BIRC3: variants seen among roughly 807,000 people sequenced by gnomAD.
BIRC3 encodes baculoviral IAP repeat containing 3, also known as baculoviral IAP repeat-containing protein 3.
In BIRC3, 26 loss-of-function variants were observed where a neutral mutation model predicts 59.0. That is an observed-to-expected ratio of 0.44 (90% CI 0.32 to 0.61). BIRC3 has a LOEUF of 0.61. Among genes scored for constraint, BIRC3 ranks in the 20% least tolerant of loss-of-function variants. BIRC3 has a pLI of 0.04. For synonymous variants in BIRC3, 243 were observed against 249.2 expected, an observed-to-expected ratio of 0.98 and a Z score of 0.24; for missense variants, 641 against 711.5, an observed-to-expected ratio of 0.90 and a Z score of 1.13.
chr11:102,319,683 T>C (rs565072190), intron 1 of BIRC3, among the ~76,000 whole-genome samples: 8 of 151,932 alleles, frequency 5.3e-5, no homozygotes, highest in Middle Eastern at 6.8e-3. Flanking sequence ...TTGAGGAAGG[T>C]GTTGAAGGTT....
chr11:102,322,871 T>C lies in BIRC3; in HGVS notation c.-1639T>C, dbSNP rs1397891513. 1 of 202,944 alleles carries C rather than the reference T, an allele frequency of 4.9e-6. No individual in the cohort carries two copies. The highest frequency in any genetic ancestry group is 2.3e-5 in the African/African-American group (1 of 43,426). 12.6% of individuals were successfully genotyped at this position (202,944 alleles called of 1,614,324 possible). A position where few individuals can be genotyped will look rare whatever the true frequency, so the allele number is the denominator to read the frequency against. On this transcript the variant is annotated 5_prime_UTR_variant, in exon 2 of 9. Coordinates refer to ENST00000263464, the MANE Select transcript of BIRC3 (RefSeq NM_001165.5). ...TCAGAACCTCTTTACTAATGGCTAG[T>C]AAATCATAATTGAGAAATTCTGAAT... is the stretch of plus-strand genomic sequence containing the variant.
At chr11:102,332,141 C>T (rs899605385) in intron 6 of BIRC3, among the ~76,000 whole-genome samples, 1 of 152,176 alleles carries the variant, frequency 6.6e-6, no homozygotes, top group Non-Finnish European at 1.5e-5. Context: ...CCATACTAAA[C>T]GTATCCACTA....
intron 6 of BIRC3, among the ~76,000 whole-genome samples, chr11:102,335,292 T>G (rs1951183992): frequency 6.6e-6 from 1 of 152,212 alleles, no homozygotes; most frequent in African/African-American, 2.4e-5. Flanking sequence ...AATGACACTT[T>G]AAGAAAAAAT....
At chr11:102,320,257 TTC>T (rs919668060) in intron 1 of BIRC3, 3 of 151,856 alleles carry the variant, frequency 2.0e-5, no homozygotes, top group Non-Finnish European at 4.4e-5. Flanking sequence ...GTGTCTCTCT[TTC>T]TCTCTCTCTC....
At chr11:102,318,693 T>A (rs1244426055) in intron 1 of BIRC3, among the ~76,000 whole-genome samples, 2 of 152,074 alleles carry the variant, frequency 1.3e-5, no homozygotes. Flanking sequence ...CTTGGTAGGT[T>A]AAATGAATGA....
Position 102,331,070 on chromosome 11 carries a change from G to A in BIRC3, c.1153G>A (p.Ala385Thr), listed in dbSNP as rs750500487. ...GATGAATACTCCTGTGATTAATGCT[G>A]CCGTGGAAATGGGCTTTAGTAGAAG... ...IMMNTPVINA[A>T]VEMGFSRSLV... The change falls in exon 6 of 9, where the codon GCC (alanine) becomes ACC (threonine). Residue 385 changes from alanine (A) to threonine (T), a missense_variant. Physicochemically the swap from Ala to Thr is moderately conservative, Grantham distance 58. Coordinates refer to ENST00000263464, the MANE Select transcript of BIRC3 (RefSeq NM_001165.5). 3.1e-6 allele frequency: 5 copies of A among 1,613,834 alleles called. No individual in the cohort carries two copies. Among genetic ancestry groups the A allele is most frequent in the East Asian group, 2.2e-5 (1 of 44,808 alleles).
chr11:102,329,481 T>G (rs1951117190), intron 5 of BIRC3, among the ~76,000 whole-genome samples: 1 of 152,186 alleles, frequency 6.6e-6, no homozygotes. Context: ...ATATATTTAT[T>G]GTATATTGTA....
rs1374093825 is a variant in BIRC3, at chr11:102,337,312, A to T, written c.*210A>T. The stretch of plus-strand genomic sequence containing the variant: ...GAATGATAGGCTTTTGTTCTTATGA[A>T]CGAAAAAGAGGTAGCACTACAAACA... On this transcript the variant is annotated 3_prime_UTR_variant, in exon 9 of 9. Coordinates refer to ENST00000263464, the MANE Select transcript of BIRC3 (RefSeq NM_001165.5). 2 of 411,572 alleles carry T rather than the reference A, an allele frequency of 4.9e-6. No homozygotes were observed. Among genetic ancestry groups the T allele is most frequent in the Non-Finnish European group, 8.4e-6 (2 of 236,748 alleles). The allele number at this position is 411,572 out of a possible 1,614,324, so 25.5% of individuals were successfully genotyped here.
At chr11:102,326,831 C>G (rs538195921) in intron 3 of BIRC3, 1 of 452,612 alleles carries the variant, frequency 2.2e-6, no homozygotes, top group African/African-American at 2.0e-5. Context: ...CCTCGAGCCT[C>G]GCTAGTAGCT....
chr11:102,332,679 GC>G (rs1951155925), intron 6 of BIRC3, among the ~76,000 whole-genome samples: 1 of 152,142 alleles, frequency 6.6e-6, no homozygotes, highest in Non-Finnish European at 1.5e-5. Context: ...ATCCAACCCT[GC>G]CCATGAAGAT....
chr11:102,338,616 T>C lies in BIRC3; in HGVS notation c.*1514T>C, dbSNP rs115064569. On this transcript the variant is annotated 3_prime_UTR_variant, in exon 9 of 9. Transcript: ENST00000263464. ...AGCAAGGCCTGTCTGTTCAGATTAT[T>C]CTTGGTCTCTGTGCAGCATTCCTTC... is the stretch of plus-strand genomic sequence containing the variant. 507 of 228,982 alleles carry C rather than the reference T, an allele frequency of 2.2e-3. 4 individuals carry two copies. The highest frequency in any genetic ancestry group is 0.01 in the African/African-American group (471 of 45,176). The allele number at this position is 228,982 out of a possible 1,614,324, so 14.2% of individuals were successfully genotyped here.
intron 4 of BIRC3, 78 bp from the exon 5 acceptor site, chr11:102,328,819 T>G: frequency 5.4e-6 from 3 of 551,818 alleles, no homozygotes; most frequent in Non-Finnish European, 7.7e-6. Context: ...TGTTGGGTCA[T>G]TTTCATTGCA....
rs1951055453 is a variant in BIRC3 at position 102,323,821 on chromosome 11, T to C, written c.-689T>C. On this transcript the variant is annotated 5_prime_UTR_variant, in exon 2 of 9. Coordinates refer to ENST00000263464, the MANE Select transcript of BIRC3 (RefSeq NM_001165.5). ...TGTCTTCAGTTGTAAATCTTACCAT[T>C]ATTTTACGTACCTCTAAGAAATAAA... 5.0e-6 allele frequency: 1 copy of C among 201,254 alleles called. No homozygotes were observed. 12.5% of individuals were successfully genotyped at this position (201,254 alleles called of 1,614,324 possible).
In BIRC3 at chr11:102,336,976, A is replaced by G; in HGVS notation, c.1689A>G (p.Lys563=). The change falls in exon 9 of 9, where the codon AAA becomes AAG. Residue 563 remains lysine (K), a synonymous_variant. Coordinates refer to ENST00000263464, the MANE Select transcript of BIRC3 (RefSeq NM_001165.5). ...EERTCKVCMD[K]EVSIVFIPCG... is the part of the protein sequence containing the mutation. ...GAACATGTAAAGTGTGTATGGACAA[A>G]GAAGTGTCCATAGTGTTTATTCCTT... 2 of 1,604,444 alleles carry G rather than the reference A, an allele frequency of 1.2e-6. No individual in the cohort carries two copies. The highest frequency in any genetic ancestry group is 1.7e-6 in the Non-Finnish European group (2 of 1,177,792).
At position 102,319,043 on chromosome 11, in the gene BIRC3, AT is replaced by A. The variant is rs35835532; in HGVS notation, c.-2674+1490del. 6.8e-3 allele frequency among the ~76,000 whole-genome samples: 899 copies of A among 131,524 alleles called. 2 individuals carry two copies. Among genetic ancestry groups the A allele is most frequent in the African/African-American group, 0.013 (468 of 35,296 alleles). 86.3% of individuals were successfully genotyped at this position (131,524 alleles called of 152,430 possible). A position where few individuals can be genotyped will look rare whatever the true frequency, so the allele number is the denominator to read the frequency against. On this transcript the variant is annotated intron_variant, in intron 1 of 8. Coordinates refer to ENST00000263464, the MANE Select transcript of BIRC3 (RefSeq NM_001165.5). Reference sequence around the variant, plus strand: ...GAGTGGAAAGTGTGGTTGAAAGAGGATTTTTTTTTTTTTTTTTTGAGACAGA... The same window carrying A: ...GAGTGGAAAGTGTGGTTGAAAGAGGATTTTTTTTTTTTTTTTTGAGACAGA...
Position 102,324,681 on chromosome 11 carries a change from A to G in BIRC3, c.172A>G (p.Thr58Ala), listed in dbSNP as rs759088779. ...TCTTGCTCGTGCTGGTTTCTATTAC[A>G]CTGGTGTGAATGACAAGGTCAAATG... Reference protein sequence around the residue: ...RSLARAGFYYTGVNDKVKCFC... With the variant: ...RSLARAGFYYAGVNDKVKCFC... Residue 58 changes from threonine (T) to alanine (A), a missense_variant, in exon 2 of 9, where the codon ACT becomes GCT. Physicochemically the swap from Thr to Ala is moderately conservative, Grantham distance 58 (BLOSUM62 0). This residue lies in a region of BIRC3 where 329 missense variants were observed against 365.6 expected (regional missense o/e 0.90). Coordinates refer to ENST00000263464, the MANE Select transcript of BIRC3 (RefSeq NM_001165.5). 1.9e-6 allele frequency: 3 copies of G among 1,614,144 alleles called. No homozygotes were observed. The highest frequency in any genetic ancestry group is 1.1e-5 in the South Asian group (1 of 91,088).
chr11:102,333,451 C>T (rs1157314888), intron 6 of BIRC3, among the ~76,000 whole-genome samples: 2 of 151,672 alleles, frequency 1.3e-5, no homozygotes, highest in Non-Finnish European at 2.9e-5. Flanking sequence ...GTAGTCCCAG[C>T]TCTACTCAGG....
chr11:102,336,767 G>A lies in BIRC3; in HGVS notation c.1587G>A (p.Gln529=), dbSNP rs773441357. 4.4e-6 allele frequency: 7 copies of A among 1,607,368 alleles called. No individual in the cohort carries two copies. The South Asian group carries it at 6.7e-5, about 15-fold the overall frequency. The part of the protein sequence containing the change: ...AVLYEHLFVQ[Q]DIKYIPTEDV... ...TTTCTTTTTCTCCCTTAGTGCAACA[G>A]GACATAAAATATATTCCCACAGAAG... is the stretch of plus-strand genomic sequence containing the variant. The change falls in exon 8 of 9, where the codon CAG becomes CAA. Residue 529 remains glutamine, a synonymous_variant. Coordinates refer to ENST00000263464, the MANE Select transcript of BIRC3 (RefSeq NM_001165.5).
At chr11:102,330,394 G>C (rs779184252) in intron 5 of BIRC3, among the ~76,000 whole-genome samples, 2 of 152,238 alleles carry the variant, frequency 1.3e-5, no homozygotes, top group African/African-American at 2.4e-5. Context: ...TTCTGGGCTA[G>C]AGTGCAGAAT....
Sources: gnomAD v4.1 joint callset for allele counts (sites outside exome capture counted in the v4.1 genomes callset) on GRCh38, gnomAD v4.1.1 for gene constraint, gnomAD v4.1.1 regional missense constraint, MANE v1.5 for transcripts, NCBI Gene and HGNC (gene_info 2026-07-23, HGNC 2026-07-21) for gene names.